Variants in CRTC1 observed in about 807,000 individuals in gnomAD.
CRTC1 encodes CREB-regulated transcription coactivator 1.
CRTC1 carries 18 observed loss-of-function variants against 66.1 expected under a neutral mutation model. The observed-to-expected ratio is 0.27, with a 90% confidence interval of 0.19 to 0.40. CRTC1 has a LOEUF of 0.40. Among genes scored for constraint, CRTC1 ranks in the 10% least tolerant of loss-of-function variants. The probability of loss-of-function intolerance (pLI) is 1.00; values close to 1 mark genes in which losing one functional copy is unlikely to be tolerated. For missense variants in CRTC1, 669 were observed against 887.9 expected (o/e 0.75, Z 3.13); for synonymous variants, 416 against 398.8 (o/e 1.04, Z -0.51).
intron 11 of CRTC1, among the ~76,000 whole-genome samples, chr19:18,773,805 CTG>C (rs1223663838): frequency 2.0e-5 from 3 of 152,076 alleles, no homozygotes; most frequent in African/African-American, 7.2e-5. Flanking sequence ...GTGAGCGTGT[CTG>C]TCTCTGTTGT....
intron 1 of CRTC1, among the ~76,000 whole-genome samples, chr19:18,723,329 G>A (rs1016222447): frequency 2.6e-5 from 4 of 152,142 alleles, no homozygotes; most frequent in Admixed American, 6.5e-5. Flanking sequence ...GTTGTTAACC[G>A]TCCACCTACC....
At chr19:18,752,673 C>T (rs2054393044) in intron 5 of CRTC1, among the ~76,000 whole-genome samples, 2 of 150,388 alleles carry the variant, frequency 1.3e-5, no homozygotes, top group South Asian at 4.2e-4. Context: ...CAGAGTTTCA[C>T]TCTGTCGCCC....
intron 1 of CRTC1, among the ~76,000 whole-genome samples, chr19:18,740,851 CA>C (rs573047160): frequency 8.9e-4 from 130 of 145,494 alleles, no homozygotes; most frequent in African/African-American, 2.1e-3. Flanking sequence ...ACTAGAAATA[CA>C]AAAAAAAAAA....
intron 2 of CRTC1, among the ~76,000 whole-genome samples, 190 bp downstream of exon 2, chr19:18,743,216 A>G (rs1306059512): frequency 6.6e-6 from 1 of 152,224 alleles, no homozygotes; most frequent in Non-Finnish European, 1.5e-5. Flanking sequence ...CCCGCAGCCC[A>G]TTCCCCATCA....
rs1009968058 is a variant in CRTC1 at position 18,741,903 on chromosome 19, C to G, written c.127-1007C>G. On this transcript the variant is annotated intron_variant, in intron 1 of 13. Coordinates refer to ENST00000321949, the MANE Select transcript of CRTC1 (RefSeq NM_015321.3). This position sits in a 1 kb window ranked among gnomAD's most constrained non-coding sequence, Gnocchi z 4.2. ...TAGGAAGCTGGGGCGGTGGGGCAGCCAGCTCTCCACGCACTGCCAGGAGCT... is the reference window on the plus strand; with the variant it reads ...TAGGAAGCTGGGGCGGTGGGGCAGCGAGCTCTCCACGCACTGCCAGGAGCT... Among the ~76,000 whole-genome samples, 1 of 152,146 alleles carries G rather than the reference C, an allele frequency of 6.6e-6. No individual in the cohort carries two copies. The highest frequency in any genetic ancestry group is 1.5e-5 in the Non-Finnish European group (1 of 68,002).
intron 1 of CRTC1, among the ~76,000 whole-genome samples, chr19:18,688,540 G>A (rs2052745224): frequency 1.3e-5 from 2 of 152,020 alleles, no homozygotes; most frequent in African/African-American, 4.8e-5. Flanking sequence ...CTGGGTTCAA[G>A]CGATTCTTCT....
intron 6 of CRTC1, among the ~76,000 whole-genome samples, chr19:18,756,796 G>A (rs1358406307): frequency 1.3e-5 from 2 of 152,080 alleles, no homozygotes; most frequent in Non-Finnish European, 2.9e-5. Flanking sequence ...TGGGGTGGTG[G>A]GTGAATTTTT....
chr19:18,743,712 G>A (rs1326539568), intron 2 of CRTC1, among the ~76,000 whole-genome samples: 1 of 152,160 alleles, frequency 6.6e-6, no homozygotes, highest in Non-Finnish European at 1.5e-5. Flanking sequence ...TGGAGCCGGG[G>A]CCCCTCCCAA....
intron 1 of CRTC1, among the ~76,000 whole-genome samples, chr19:18,694,593 C>T (rs879392300): frequency 3.9e-5 from 6 of 152,054 alleles, no homozygotes; most frequent in Admixed American, 2.0e-4. Flanking sequence ...CCACCATGCC[C>T]GGCTAATTTT....
intron 1 of CRTC1, among the ~76,000 whole-genome samples, chr19:18,690,670 G>T (rs921925769): frequency 1.3e-5 from 2 of 152,132 alleles, no homozygotes; most frequent in Admixed American, 6.5e-5. Context: ...TTAAGGTAAG[G>T]ATCTGGAGAT....
At chr19:18,715,947 G>T (rs1456367360) in intron 1 of CRTC1, among the ~76,000 whole-genome samples, 1 of 152,216 alleles carries the variant, frequency 6.6e-6, no homozygotes, top group Non-Finnish European at 1.5e-5. Flanking sequence ...CGGCATTCCT[G>T]CACCCGAAGC....
chr19:18,752,840 G>A lies in CRTC1; in HGVS notation c.539-660G>A, dbSNP rs140810634. ...TTTAGTAGAGACAGGATTTCGCCAC[G>A]TTGGCCAGGCTGGTCTCAAACTCCT... On this transcript the variant is annotated intron_variant, in intron 5 of 13. Transcript: ENST00000321949. Among the ~76,000 whole-genome samples, 382 of 151,696 alleles carry A rather than the reference G, an allele frequency of 2.5e-3. 10 individuals are homozygous for A. The East Asian group carries it at 0.064, about 25-fold the overall frequency.
chr19:18,712,859 C>G lies in CRTC1; in HGVS notation c.126+29031C>G, dbSNP rs111379930. ...GCTGTAATCCCAGCTACCTGGGAGG[C>G]TGAGGCAGGAGAATGGCTTGAACCC... is the stretch of plus-strand genomic sequence containing the variant. On this transcript the variant is annotated intron_variant, in intron 1 of 13. Coordinates refer to ENST00000321949, the MANE Select transcript of CRTC1 (RefSeq NM_015321.3). Among the ~76,000 whole-genome samples the G allele has an allele frequency of 1.1e-3, 160 of 151,890 alleles. 1 individual carries two copies. Among genetic ancestry groups the G allele is most frequent in the African/African-American group, 3.7e-3 (154 of 41,438 alleles).
At position 18,688,403 on chromosome 19, in the gene CRTC1, G is replaced by T. The variant is rs1036535901; in HGVS notation, c.126+4575G>T. On this transcript the variant is annotated intron_variant, in intron 1 of 13. Transcript: ENST00000321949. ...GAGCTTGGATCTCCCCTGAGGGAGG[G>T]GTCTGGGAAGCCTCCCTGCTTGTTT... Among the ~76,000 whole-genome samples, 4 of 152,058 alleles carry T rather than the reference G, an allele frequency of 2.6e-5. No individual in the cohort carries two copies. The East Asian group carries it at 7.7e-4, about 29-fold the overall frequency.
chr19:18,777,437 G>T lies in CRTC1; in HGVS notation c.*55G>T, dbSNP rs565966208. 2 of 1,493,226 alleles carry T rather than the reference G, an allele frequency of 1.3e-6. No individual in the cohort carries two copies. The highest frequency in any genetic ancestry group is 1.7e-4 in the Middle Eastern group (1 of 5,908). 92.5% of individuals were successfully genotyped at this position (1,493,226 alleles called of 1,614,324 possible). ...CGTCCCGACGGCGCCTCCCCAGCCC[G>T]GGGACGGCCGTGCTCCGTCCCTCGC... On this transcript the variant is annotated 3_prime_UTR_variant, in exon 14 of 14. Transcript: ENST00000321949. This position sits in a 1 kb window ranked among gnomAD's most constrained non-coding sequence, Gnocchi z 5.5.
chr19:18,751,141 C>T (rs1394951485), intron 5 of CRTC1, among the ~76,000 whole-genome samples: 2 of 152,146 alleles, frequency 1.3e-5, no homozygotes, highest in Non-Finnish European at 1.5e-5. Flanking sequence ...TGGCTTTCAA[C>T]AAGGAAGGGG....
intron 5 of CRTC1, among the ~76,000 whole-genome samples, chr19:18,750,292 T>A (rs1195567674): frequency 6.6e-6 from 1 of 152,212 alleles, no homozygotes; most frequent in East Asian, 1.9e-4. Context: ...CTGGACTGTT[T>A]CCTGGCTCTG....
chr19:18,760,380 G>A lies in CRTC1; in HGVS notation c.886+152G>A, dbSNP rs905386976. The A allele has an allele frequency of 2.4e-5, 16 of 668,586 alleles. No individual in the cohort carries two copies. The highest frequency in any genetic ancestry group is 4.1e-5 in the Non-Finnish European group (16 of 392,076). The allele number at this position is 668,586 out of a possible 1,614,324, so 41.4% of individuals were successfully genotyped here. A position where few individuals can be genotyped will look rare whatever the true frequency, so the allele number is the denominator to read the frequency against. ...CCGACAGGCTGACCCAGCGGGCACAGGCATCCCAGGTAGGGGTGGGGCCTG... is the reference window on the plus strand; with the variant it reads ...CCGACAGGCTGACCCAGCGGGCACAAGCATCCCAGGTAGGGGTGGGGCCTG... On this transcript the variant is annotated intron_variant, in intron 8 of 13. Coordinates refer to ENST00000321949, the MANE Select transcript of CRTC1 (RefSeq NM_015321.3). The surrounding 1 kb of genome is among the most constrained non-coding windows in gnomAD (Gnocchi z 6.2).
chr19:18,706,051 T>A (rs1461789100), intron 1 of CRTC1, among the ~76,000 whole-genome samples: 1 of 150,942 alleles, frequency 6.6e-6, no homozygotes, highest in African/African-American at 2.4e-5. Context: ...CACTTGGAGA[T>A]CCTGTTTTCC....
Sources: allele counts gnomAD v4.1 joint callset (sites outside exome capture counted in the v4.1 genomes callset), GRCh38; gene constraint gnomAD v4.1.1; non-coding constraint Gnocchi (gnomAD v3.1); transcripts MANE v1.5; gene names NCBI Gene and HGNC (gene_info 2026-07-23, HGNC 2026-07-21).